LPP: variants seen among roughly 807,000 people sequenced by gnomAD.
LPP encodes the protein LIM domain containing preferred translocation partner in lipoma, also known as lipoma-preferred partner.
A neutral mutation model predicts 60.4 loss-of-function variants in LPP; 38 were observed. The ratio of observed to expected loss-of-function variants is 0.63; its 90% CI spans 0.49 to 0.83. LPP has a LOEUF of 0.83. Among genes scored for constraint, LPP ranks in the 40% least tolerant of loss-of-function variants. The probability of loss-of-function intolerance (pLI) is 0.00; values close to 1 mark genes in which losing one functional copy is unlikely to be tolerated. For missense variants in LPP, 902 were observed against 783.6 expected (o/e 1.15, Z -1.80); for synonymous variants, 328 against 290.8 (o/e 1.13, Z -1.30).
At chr3:188,823,477 G>A (rs527339391) in intron 9 of LPP, among the ~76,000 whole-genome samples, 1 of 152,098 alleles carries the variant, frequency 6.6e-6, no homozygotes, top group Admixed American at 6.6e-5. Context: ...ACAGACTTGG[G>A]GGGAGCAGAA....
At chr3:188,789,235 G>A (rs182516697) in intron 9 of LPP, among the ~76,000 whole-genome samples, 1 of 152,114 alleles carries the variant, frequency 6.6e-6, no homozygotes, top group African/African-American at 2.4e-5. Context: ...AAAAAAATAA[G>A]TGTGACACAC....
At chr3:188,325,845 C>A (rs1466562331) in intron 2 of LPP, among the ~76,000 whole-genome samples, 1 of 152,160 alleles carries the variant, frequency 6.6e-6, no homozygotes, top group East Asian at 1.9e-4. Context: ...GTAGAAGATT[C>A]TCTGGCATAG....
intron 3 of LPP, among the ~76,000 whole-genome samples, chr3:188,344,730 AC>A (rs1763883085): frequency 6.6e-6 from 1 of 152,250 alleles, no homozygotes; most frequent in Admixed American, 6.5e-5. Context: ...GCAGTTAATG[AC>A]TTTTATTATA....
intron 2 of LPP, among the ~76,000 whole-genome samples, chr3:188,248,131 T>C (rs1264316401): frequency 6.6e-6 from 1 of 152,102 alleles, no homozygotes. Flanking sequence ...ATTTTTGTGC[T>C]GTGTCTCCCT....
intron 9 of LPP, among the ~76,000 whole-genome samples, chr3:188,854,550 G>T (rs1383224759): frequency 6.6e-6 from 1 of 152,198 alleles, no homozygotes; most frequent in East Asian, 1.9e-4. Flanking sequence ...CAATTAGAAG[G>T]CCTTGTTCTC....
chr3:188,609,884 G>T lies in LPP; in HGVS notation c.1113+40G>T. ...AACATAAGGAGGAGAATACAGGGGT[G>T]CCTATCTTAGTCTGCCTTCCCCAGG... On this transcript the variant is annotated intron_variant, in intron 7 of 11. Coordinates refer to ENST00000617246, the MANE Select transcript of LPP (RefSeq NM_001375462.1). The surrounding 1 kb of genome is among the most constrained non-coding windows in gnomAD (Gnocchi z 6.9). The T allele has an allele frequency of 6.5e-7, 1 of 1,549,456 alleles. No individual in the cohort carries two copies.
intron 5 of LPP, among the ~76,000 whole-genome samples, chr3:188,501,883 C>T (rs904491240): frequency 6.6e-6 from 1 of 151,974 alleles, no homozygotes; most frequent in African/African-American, 2.4e-5. Context: ...TGCCATTGCA[C>T]TCCAGCCTGG....
chr3:188,307,972 C>T (rs752885760), intron 2 of LPP, among the ~76,000 whole-genome samples: 7 of 152,010 alleles, frequency 4.6e-5, no homozygotes, highest in East Asian at 1.9e-4. Flanking sequence ...TGTGTAATTT[C>T]GGGAACGGGT....
intron 9 of LPP, among the ~76,000 whole-genome samples, chr3:188,796,965 A>G (rs1401304559): frequency 6.6e-6 from 1 of 152,084 alleles, no homozygotes; most frequent in Non-Finnish European, 1.5e-5. Flanking sequence ...AAAATGACCT[A>G]TCTTTCCCTT....
chr3:188,560,617 T>G (rs1344495062), intron 6 of LPP, among the ~76,000 whole-genome samples: 1 of 152,140 alleles, frequency 6.6e-6, no homozygotes, highest in African/African-American at 2.4e-5. Flanking sequence ...CATAGATTGT[T>G]CAGGCTGATG....
intron 4 of LPP, among the ~76,000 whole-genome samples, chr3:188,438,657 G>T (rs796260429): frequency 3.3e-5 from 5 of 152,236 alleles, no homozygotes; most frequent in African/African-American, 1.2e-4. Flanking sequence ...ATAGGTTTTT[G>T]AACTTATTAG....
At chr3:188,167,433 G>A (rs1316536035) in intron 1 of LPP, among the ~76,000 whole-genome samples, 2 of 152,112 alleles carry the variant, frequency 1.3e-5, no homozygotes, top group Non-Finnish European at 2.9e-5. Flanking sequence ...AGGAGGCAGA[G>A]GTTGCAGTGA....
At chr3:188,206,769 G>A (rs771615811) in intron 1 of LPP, among the ~76,000 whole-genome samples, 32 of 152,172 alleles carry the variant, frequency 2.1e-4, no homozygotes, top group South Asian at 2.1e-4. Flanking sequence ...GTTTTGGACT[G>A]TTGCACTTAC....
chr3:188,500,150 G>T (rs1348941706), intron 5 of LPP, among the ~76,000 whole-genome samples: 1 of 151,240 alleles, frequency 6.6e-6, no homozygotes, highest in Non-Finnish European at 1.5e-5. Context: ...ACACTAAATT[G>T]TTATGGCAAA....
chr3:188,480,100 G>A (rs77027460), intron 4 of LPP, among the ~76,000 whole-genome samples: 17 of 152,262 alleles, frequency 1.1e-4, no homozygotes, highest in South Asian at 1.0e-3. Context: ...TCTCAAGGCC[G>A]CATCCTTTTT....
intron 9 of LPP, among the ~76,000 whole-genome samples, chr3:188,833,014 T>G (rs1757498634): frequency 6.6e-6 from 1 of 152,236 alleles, no homozygotes; most frequent in African/African-American, 2.4e-5. Flanking sequence ...TTCACCCAGT[T>G]AAATAACTTA....
intron 7 of LPP, among the ~76,000 whole-genome samples, chr3:188,666,459 A>G (rs1040347785): frequency 1.3e-5 from 2 of 152,248 alleles, no homozygotes; most frequent in Non-Finnish European, 2.9e-5. Context: ...ATAACTTAGT[A>G]GAAAGAATAA....
At chr3:188,415,736 G>C (rs1239799193) in intron 4 of LPP, among the ~76,000 whole-genome samples, 1 of 136,778 alleles carries the variant, frequency 7.3e-6, no homozygotes, top group Non-Finnish European at 1.6e-5. Context: ...AGAGATAAAG[G>C]ACATATTCAT....
chr3:188,292,444 C>T (rs1746318667), intron 2 of LPP, among the ~76,000 whole-genome samples: 2 of 152,222 alleles, frequency 1.3e-5, no homozygotes, highest in Admixed American at 1.3e-4. Context: ...ACATCTAGTT[C>T]TGATTGCAGA....
Sources: gnomAD v4.1 joint callset for allele counts (sites outside exome capture counted in the v4.1 genomes callset) on GRCh38, gnomAD v4.1.1 for gene constraint, Gnocchi (gnomAD v3.1) non-coding constraint, MANE v1.5 for transcripts, NCBI Gene and HGNC (gene_info 2026-07-23, HGNC 2026-07-21) for gene names.